SH3PXD2A: variants seen among roughly 807,000 people sequenced by gnomAD.
SH3PXD2A encodes SH3 and PX domain-containing protein 2A.
A neutral mutation model predicts 115.2 loss-of-function variants in SH3PXD2A; 32 were observed. The observed-to-expected ratio is 0.28, with a 90% CI of 0.21 to 0.37. The LOEUF is 0.37. SH3PXD2A is among the 10% of genes least tolerant of loss of function. The pLI is 1.00. For missense variants in SH3PXD2A, 1,328 were observed against 1,498.7 expected, an observed-to-expected ratio of 0.89 and a Z score of 1.88; for synonymous variants, 610 against 629.1, an observed-to-expected ratio of 0.97 and a Z score of 0.45.
intron 9 of SH3PXD2A, among the ~76,000 whole-genome samples, chr10:103,624,163 T>C (rs1163374163): frequency 6.6e-6 from 1 of 152,238 alleles, no homozygotes; most frequent in Non-Finnish European, 1.5e-5. Flanking sequence ...TTCCCCTAAC[T>C]CTGCTGCCCC....
intron 1 of SH3PXD2A, among the ~76,000 whole-genome samples, chr10:103,848,607 G>C (rs1276197296): frequency 6.6e-6 from 1 of 152,108 alleles, no homozygotes; most frequent in East Asian, 1.9e-4. Flanking sequence ...GCTTTGCCCA[G>C]CTTTTCCTTG....
At chr10:103,836,573 A>G (rs2039543298) in intron 1 of SH3PXD2A, among the ~76,000 whole-genome samples, 1 of 150,688 alleles carries the variant, frequency 6.6e-6, no homozygotes, top group African/African-American at 2.4e-5. Context: ...TACACACACA[A>G]CACATCCAAC....
At chr10:103,708,415 G>T (rs2038007514) in intron 5 of SH3PXD2A, among the ~76,000 whole-genome samples, 1 of 152,168 alleles carries the variant, frequency 6.6e-6, no homozygotes, top group South Asian at 2.1e-4. Context: ...CTCCCCAGGA[G>T]AAGGGCACCA....
chr10:103,613,117 T>C lies in SH3PXD2A; in HGVS notation c.994A>G (p.Lys332Glu). 6.2e-7 allele frequency: 1 copy of C among 1,613,994 alleles called. No individual in the cohort carries two copies. ...KAKDDLPTRKKNLAGPVEIIG... is the reference protein window; with the variant it reads ...KAKDDLPTRKENLAGPVEIIG... Reference sequence around the variant, plus strand: ...ATCTCCACTGGGCCGGCCAGGTTCTTCTTCCGGGTTGGCAGGTCATCCTTG... The same window carrying C: ...ATCTCCACTGGGCCGGCCAGGTTCTCCTTCCGGGTTGGCAGGTCATCCTTG... The change falls in exon 12 of 15, where the codon AAG becomes GAG. Residue 332 changes from lysine (K) to glutamate (E), a missense_variant. This residue lies in a region of SH3PXD2A where 509 missense variants were observed against 628.3 expected (regional missense o/e 0.81). Coordinates refer to ENST00000369774, the MANE Select transcript of SH3PXD2A (RefSeq NM_001394015.1).
intron 13 of SH3PXD2A, among the ~76,000 whole-genome samples, chr10:103,606,739 C>T (rs560180242): frequency 9.2e-5 from 14 of 152,242 alleles, no homozygotes; most frequent in Admixed American, 3.9e-4. Flanking sequence ...GCGAGTGATC[C>T]GCCAGCCTCG....
chr10:103,811,766 C>T (rs927534573), intron 1 of SH3PXD2A, among the ~76,000 whole-genome samples: 16 of 152,202 alleles, frequency 1.1e-4, no homozygotes, highest in Admixed American at 1.0e-3. Flanking sequence ...TTGCGGGGAT[C>T]AGCACTCTAT....
intron 8 of SH3PXD2A, among the ~76,000 whole-genome samples, chr10:103,635,625 C>T (rs2036852610): frequency 6.6e-6 from 1 of 152,224 alleles, no homozygotes; most frequent in Non-Finnish European, 1.5e-5. Flanking sequence ...TGGCAGAAAC[C>T]TTTATTCTGG....
At chr10:103,770,090 A>G (rs1213430599) in intron 2 of SH3PXD2A, among the ~76,000 whole-genome samples, 1 of 152,248 alleles carries the variant, frequency 6.6e-6, no homozygotes, top group East Asian at 1.9e-4. Flanking sequence ...CCTGACATTA[A>G]TATTTTGGGA....
intron 3 of SH3PXD2A, among the ~76,000 whole-genome samples, chr10:103,760,034 A>T (rs1369158274): frequency 6.6e-6 from 1 of 152,264 alleles, no homozygotes; most frequent in Non-Finnish European, 1.5e-5. Flanking sequence ...CATAGCAAAC[A>T]GCCTTAGAAG....
At chr10:103,815,888 C>CA (rs749050851) in intron 1 of SH3PXD2A, among the ~76,000 whole-genome samples, 8,445 of 109,866 alleles carry the variant, frequency 0.077, 300 homozygotes, top group South Asian at 0.13. Flanking sequence ...GACTCCATCT[C>CA]AAAAAAAAAA....
chr10:103,797,891 T>A (rs910244734), intron 2 of SH3PXD2A, among the ~76,000 whole-genome samples: 1 of 152,088 alleles, frequency 6.6e-6, no homozygotes, highest in East Asian at 1.9e-4. Context: ...GGTGCAAGTG[T>A]CCATCTCCCT....
intron 2 of SH3PXD2A, among the ~76,000 whole-genome samples, chr10:103,772,994 C>CG (rs750781371): frequency 2.0e-5 from 3 of 152,162 alleles, no homozygotes; most frequent in East Asian, 3.9e-4. Context: ...AAGGCCAAGG[C>CG]GGGGTGGATC....
chr10:103,695,127 T>C (rs74154593), intron 5 of SH3PXD2A, among the ~76,000 whole-genome samples: 55 of 152,286 alleles, frequency 3.6e-4, no homozygotes, highest in African/African-American at 1.3e-3. Flanking sequence ...GGAGCTACCC[T>C]CTGCTGTCCC....
At chr10:103,848,754 G>A (rs928008578) in intron 1 of SH3PXD2A, among the ~76,000 whole-genome samples, 3 of 151,926 alleles carry the variant, frequency 2.0e-5, no homozygotes, top group Non-Finnish European at 4.4e-5. Flanking sequence ...TTCTCCAGTC[G>A]GTCTTCCCTG....
intron 3 of SH3PXD2A, among the ~76,000 whole-genome samples, chr10:103,766,887 A>C (rs904698032): frequency 2.0e-5 from 3 of 152,212 alleles, no homozygotes; most frequent in African/African-American, 7.2e-5. Flanking sequence ...GCCAGCAGAG[A>C]CGGTCTTGTA....
At chr10:103,843,036 C>G (rs190413629) in intron 1 of SH3PXD2A, among the ~76,000 whole-genome samples, 2 of 152,208 alleles carry the variant, frequency 1.3e-5, no homozygotes, top group African/African-American at 2.4e-5. Flanking sequence ...AGAAACTGAG[C>G]AAAATCAAGA....
At chr10:103,664,755 C>T (rs763988397) in intron 7 of SH3PXD2A, among the ~76,000 whole-genome samples, 3 of 151,944 alleles carry the variant, frequency 2.0e-5, no homozygotes, top group African/African-American at 4.8e-5. Context: ...CAACCTCCGC[C>T]CCCCAGGTTC....
intron 9 of SH3PXD2A, among the ~76,000 whole-genome samples, chr10:103,626,357 AT>A (rs2036694094): frequency 6.6e-6 from 1 of 152,214 alleles, no homozygotes; most frequent in South Asian, 2.1e-4. Context: ...CATCTGGACC[AT>A]CCCCACCAAC....
chr10:103,635,739 C>T (rs1161540295), intron 8 of SH3PXD2A, among the ~76,000 whole-genome samples: 1 of 150,320 alleles, frequency 6.7e-6, no homozygotes, highest in African/African-American at 2.5e-5. Flanking sequence ...CCTGGCCTGT[C>T]CTTCCATCGG....
Sources: allele counts gnomAD v4.1 joint callset (sites outside exome capture counted in the v4.1 genomes callset), GRCh38; gene constraint gnomAD v4.1.1; regional missense constraint gnomAD v4.1.1; transcripts MANE v1.5; gene names NCBI Gene and HGNC (gene_info 2026-07-23, HGNC 2026-07-21).